Variants in DIAPH3 observed in about 807,000 individuals in gnomAD.
DIAPH3 encodes protein diaphanous homolog 3.
In DIAPH3, 117 loss-of-function variants were observed where a neutral mutation model predicts 144.3. That is an observed-to-expected ratio of 0.81 (90% CI 0.70 to 0.95). The LOEUF (loss-of-function observed/expected upper bound fraction) is 0.95. Ranked by LOEUF, DIAPH3 falls within the 40% of genes least tolerant of loss-of-function variation. The pLI, the probability that DIAPH3 is intolerant of heterozygous loss-of-function variation, is 0.00. For missense variants in DIAPH3, 1,421 were observed against 1,412.7 expected, an observed-to-expected ratio of 1.01 and a Z score of -0.09; for synonymous variants, 519 against 488.9, an observed-to-expected ratio of 1.06 and a Z score of -0.81.
intron 27 of DIAPH3, among the ~76,000 whole-genome samples, chr13:59,677,420 GAAAA>G (rs796435428): frequency 6.8e-6 from 1 of 147,786 alleles, no homozygotes; most frequent in Non-Finnish European, 1.5e-5. Context: ...ATTAAACATT[GAAAA>G]AAAAAGGTGA....
At chr13:59,799,692 C>T (rs930694769) in intron 25 of DIAPH3, among the ~76,000 whole-genome samples, 11 of 152,056 alleles carry the variant, frequency 7.2e-5, no homozygotes, top group African/African-American at 1.7e-4. Context: ...AATGTGAATT[C>T]CATAAATATT....
chr13:59,845,217 T>C (rs1229645501), intron 22 of DIAPH3, among the ~76,000 whole-genome samples: 1 of 152,068 alleles, frequency 6.6e-6, no homozygotes, highest in African/African-American at 2.4e-5. Context: ...CTTATTTTTG[T>C]ATTTTTAGTA....
chr13:59,923,520 C>T (rs1234215281), intron 18 of DIAPH3, among the ~76,000 whole-genome samples: 1 of 152,116 alleles, frequency 6.6e-6, no homozygotes, highest in Non-Finnish European at 1.5e-5. Context: ...ACACCAGTTT[C>T]TGTTAATTAT....
rs1435422186 is a variant in DIAPH3, at chr13:59,975,240, T to C, written c.1546-784A>G. 2.0e-5 allele frequency among the ~76,000 whole-genome samples: 3 copies of C among 152,056 alleles called. No homozygotes were observed. In the East Asian group the frequency reaches 5.8e-4, roughly 29 times the overall value. ...AATCAATCAAAAAAATGCAACTATC[T>C]CACAAATGTGGCCTCCACATTTTAA... On this transcript the variant is annotated intron_variant, in intron 14 of 27. Coordinates refer to ENST00000400324, the MANE Select transcript of DIAPH3 (RefSeq NM_001042517.2).
At chr13:59,676,848 G>A (rs2032669657) in intron 27 of DIAPH3, among the ~76,000 whole-genome samples, 1 of 152,056 alleles carries the variant, frequency 6.6e-6, no homozygotes, top group African/African-American at 2.4e-5. Flanking sequence ...TCAGTCCTGG[G>A]ATACATTTGT....
intron 2 of DIAPH3, among the ~76,000 whole-genome samples, chr13:60,113,637 G>A (rs1012614077): frequency 6.6e-6 from 1 of 152,138 alleles, no homozygotes; most frequent in African/African-American, 2.4e-5. Flanking sequence ...AACGTATAAA[G>A]TTATACTTGC....
At chr13:59,928,976 TAAGA>T (rs2047886910) in intron 17 of DIAPH3, among the ~76,000 whole-genome samples, 1 of 152,130 alleles carries the variant, frequency 6.6e-6, no homozygotes, top group Admixed American at 6.5e-5. Flanking sequence ...GGGAACTTGA[TAAGA>T]AAGAAGAGTG....
chr13:59,701,551 T>C (rs1380417466), intron 27 of DIAPH3, among the ~76,000 whole-genome samples: 2 of 152,228 alleles, frequency 1.3e-5, no homozygotes, highest in Non-Finnish European at 2.9e-5. Flanking sequence ...TAGCTGAAGC[T>C]CAATAAATAT....
At chr13:59,906,642 A>T (rs2140209930) in intron 20 of DIAPH3, among the ~76,000 whole-genome samples, 1 of 152,326 alleles carries the variant, frequency 6.6e-6, no homozygotes, top group South Asian at 2.1e-4. Context: ...GTGGTAGATC[A>T]AAATACAGCA....
At chr13:59,714,086 C>T (rs1203815803) in intron 27 of DIAPH3, among the ~76,000 whole-genome samples, 7 of 152,002 alleles carry the variant, frequency 4.6e-5, no homozygotes, top group African/African-American at 1.2e-4. Context: ...TAGGGCCGGG[C>T]GCGGTGGCTC....
At chr13:59,713,883 T>A (rs1167040657) in intron 27 of DIAPH3, among the ~76,000 whole-genome samples, 1 of 152,160 alleles carries the variant, frequency 6.6e-6, no homozygotes. Context: ...GAGCCATGGA[T>A]AACAGCCATG....
chr13:59,777,912 A>C (rs1346084669), intron 25 of DIAPH3, among the ~76,000 whole-genome samples: 2 of 152,198 alleles, frequency 1.3e-5, no homozygotes, highest in African/African-American at 4.8e-5. Flanking sequence ...GAATTGAAAG[A>C]AGTTATATAT....
chr13:60,020,482 C>T (rs2053940748), intron 5 of DIAPH3, among the ~76,000 whole-genome samples: 1 of 152,212 alleles, frequency 6.6e-6, no homozygotes, highest in African/African-American at 2.4e-5. Flanking sequence ...ATCCTCCTGC[C>T]TCAGCCTTCC....
Position 59,913,557 on chromosome 13 carries a change from C to G in DIAPH3, c.2266-1721G>C, listed in dbSNP as rs184680618. Among the ~76,000 whole-genome samples, 3 of 152,302 alleles carry G rather than the reference C, an allele frequency of 2.0e-5. No homozygotes were observed. In the East Asian group the frequency reaches 5.8e-4, roughly 29 times the overall value. ...TACTCCCTCAACATATTCTATAGGT[C>G]TAAACCAATCTTAAAACTTTGCTTA... is the stretch of plus-strand genomic sequence containing the variant. On this transcript the variant is annotated intron_variant, in intron 19 of 27. Coordinates refer to ENST00000400324, the MANE Select transcript of DIAPH3 (RefSeq NM_001042517.2).
intron 27 of DIAPH3, among the ~76,000 whole-genome samples, chr13:59,749,831 G>T (rs1490187098): frequency 6.6e-6 from 1 of 152,048 alleles, no homozygotes; most frequent in African/African-American, 2.4e-5. Context: ...AAACTAATTT[G>T]TTTAGTGTTT....
intron 12 of DIAPH3, among the ~76,000 whole-genome samples, chr13:59,987,895 A>T (rs754135838): frequency 5.9e-5 from 9 of 151,884 alleles, no homozygotes; most frequent in Admixed American, 3.9e-4. Context: ...AGTGATAAAC[A>T]GGTTGGGTAC....
At chr13:60,144,646 C>A (rs1594773877) in intron 1 of DIAPH3, 1 of 152,194 alleles carries the variant, frequency 6.6e-6, no homozygotes, top group African/African-American at 2.4e-5. Flanking sequence ...CTTGCACGGA[C>A]CAAGGACATG....
chr13:60,091,805 T>C (rs1407168449), intron 4 of DIAPH3, among the ~76,000 whole-genome samples: 1 of 152,110 alleles, frequency 6.6e-6, no homozygotes, highest in South Asian at 2.1e-4. Context: ...AAATATGTTG[T>C]GTTCTAATCA....
chr13:59,734,264 G>T (rs1007536728), intron 27 of DIAPH3, among the ~76,000 whole-genome samples: 3 of 151,996 alleles, frequency 2.0e-5, no homozygotes, highest in African/African-American at 7.2e-5. Context: ...GTGACATTCT[G>T]CATTAAAACA....
Sources: gnomAD v4.1 joint callset for allele counts (sites outside exome capture counted in the v4.1 genomes callset) on GRCh38, gnomAD v4.1.1 for gene constraint, MANE v1.5 for transcripts, NCBI Gene and HGNC (gene_info 2026-07-23, HGNC 2026-07-21) for gene names.